Variants in LIMCH1 observed in about 807,000 individuals in gnomAD.
LIMCH1 encodes LIM and calponin homology domains 1.
A neutral mutation model predicts 176.5 loss-of-function variants in LIMCH1; 113 were observed. That is an observed-to-expected ratio of 0.64 (90% CI 0.55 to 0.75). The LOEUF is 0.75. Ranked by LOEUF, LIMCH1 falls within the 30% of genes least tolerant of loss-of-function variation. The pLI, the probability that LIMCH1 is intolerant of heterozygous loss-of-function variation, is 0.00. For synonymous variants in LIMCH1, 619 were observed against 645.9 expected (o/e 0.96, Z 0.63); for missense variants, 1,674 against 1,814.9 (o/e 0.92, Z 1.41).
chr4:41,674,044 C>T (rs2095137861), intron 22 of LIMCH1, among the ~76,000 whole-genome samples: 1 of 152,140 alleles, frequency 6.6e-6, no homozygotes, highest in Non-Finnish European at 1.5e-5. Flanking sequence ...AAATTATCTG[C>T]AAAAGAAGGA....
At chr4:41,607,391 A>G (rs937572265) in intron 4 of LIMCH1, among the ~76,000 whole-genome samples, 1 of 152,248 alleles carries the variant, frequency 6.6e-6, no homozygotes, top group South Asian at 2.1e-4. Context: ...TACACAAGGT[A>G]CTTTAAGCTG....
chr4:41,382,429 T>C (rs2055825261), intron 1 of LIMCH1, among the ~76,000 whole-genome samples: 1 of 151,904 alleles, frequency 6.6e-6, no homozygotes, highest in Non-Finnish European at 1.5e-5. Context: ...TTTAGTTATG[T>C]ATTTATAGCC....
At chr4:41,417,630 C>G (rs528993735) in intron 1 of LIMCH1, among the ~76,000 whole-genome samples, 6 of 152,264 alleles carry the variant, frequency 3.9e-5, no homozygotes, top group African/African-American at 1.4e-4. Context: ...AAGTGATCCT[C>G]CCACCTCAGC....
intron 5 of LIMCH1, 38 bp downstream of exon 5, chr4:41,613,699 T>A: frequency 6.3e-7 from 1 of 1,577,934 alleles, no homozygotes; most frequent in Non-Finnish European, 8.7e-7. Context: ...ATCTTGAAAT[T>A]AAACATTTGC....
chr4:41,527,091 A>G (rs2076736704), intron 3 of LIMCH1, among the ~76,000 whole-genome samples: 1 of 152,254 alleles, frequency 6.6e-6, no homozygotes, highest in Non-Finnish European at 1.5e-5. Context: ...AAAAAATAAA[A>G]TAAATTAAAT....
chr4:41,586,184 C>G (rs150116727), intron 1 of LIMCH1, among the ~76,000 whole-genome samples: 7,169 of 150,554 alleles, frequency 0.048, 438 homozygotes, highest in African/African-American at 0.15. Flanking sequence ...TCTCAGCTCA[C>G]TGCATCCTCA....
At chr4:41,415,219 T>G (rs563598659) in intron 1 of LIMCH1, among the ~76,000 whole-genome samples, 68 of 152,234 alleles carry the variant, frequency 4.5e-4, no homozygotes, top group African/African-American at 9.9e-4. Flanking sequence ...TAATTTCTGT[T>G]GTTGTTTTGA....
At chr4:41,593,181 TTGG>T (rs2087982488) in intron 1 of LIMCH1, among the ~76,000 whole-genome samples, 1 of 152,180 alleles carries the variant, frequency 6.6e-6, no homozygotes, top group African/African-American at 2.4e-5. Flanking sequence ...CCCATAGCCC[TTGG>T]GAAATGTTTT....
chr4:41,479,253 C>G (rs541027536), intron 1 of LIMCH1, among the ~76,000 whole-genome samples: 1 of 152,224 alleles, frequency 6.6e-6, no homozygotes, highest in Non-Finnish European at 1.5e-5. Flanking sequence ...ATGCCATTAT[C>G]ACTCTTTTTG....
chr4:41,558,358 C>T lies in LIMCH1; in HGVS notation c.-241+20008C>T, dbSNP rs538656527. Among the ~76,000 whole-genome samples the T allele has an allele frequency of 4.6e-5, 7 of 152,240 alleles. No individual in the cohort carries two copies. The South Asian group carries it at 6.2e-4, about 14-fold the overall frequency. On this transcript the variant is annotated intron_variant, in intron 1 of 31. Coordinates refer to ENST00000503057, the MANE Select transcript of LIMCH1 (RefSeq NM_001330672.2). Reference sequence around the variant, plus strand: ...AAAGGGGCGGTGTATAGGAGGGTATCGTTTAAGCCACTGGCTAAATGAATG... The same window carrying T: ...AAAGGGGCGGTGTATAGGAGGGTATTGTTTAAGCCACTGGCTAAATGAATG...
At chr4:41,474,542 A>G (rs2067447505) in intron 1 of LIMCH1, among the ~76,000 whole-genome samples, 1 of 152,214 alleles carries the variant, frequency 6.6e-6, no homozygotes. Flanking sequence ...TCAAAAGAAG[A>G]CACACAAATG....
intron 30 of LIMCH1, among the ~76,000 whole-genome samples, chr4:41,691,116 T>C (rs1370443936): frequency 3.3e-5 from 5 of 152,174 alleles, no homozygotes; most frequent in Non-Finnish European, 7.3e-5. Flanking sequence ...AAGGCCTTTA[T>C]TCACTCTAAT....
At chr4:41,627,254 T>C (rs1344110417) in intron 8 of LIMCH1, among the ~76,000 whole-genome samples, 1 of 152,216 alleles carries the variant, frequency 6.6e-6, no homozygotes, top group East Asian at 1.9e-4. Context: ...AGGGCTGAAT[T>C]TGCCAAAGAA....
chr4:41,382,591 A>T (rs2055850590), intron 1 of LIMCH1, among the ~76,000 whole-genome samples: 2 of 151,962 alleles, frequency 1.3e-5, no homozygotes, highest in South Asian at 4.2e-4. Context: ...AAAGGAGGGG[A>T]GGGCTTCCAG....
chr4:41,438,574 A>G (rs1359005627), intron 1 of LIMCH1, among the ~76,000 whole-genome samples: 2 of 151,976 alleles, frequency 1.3e-5, no homozygotes, highest in African/African-American at 4.8e-5. Context: ...CCTGGCCTCA[A>G]GCGATCTACC....
intron 1 of LIMCH1, among the ~76,000 whole-genome samples, chr4:41,383,960 T>C (rs1048787289): frequency 6.6e-6 from 1 of 152,150 alleles, no homozygotes; most frequent in Non-Finnish European, 1.5e-5. Context: ...AGACAACTAA[T>C]AGTATCAGCA....
chr4:41,573,032 G>C (rs1211712261), intron 1 of LIMCH1, among the ~76,000 whole-genome samples: 1 of 152,166 alleles, frequency 6.6e-6, no homozygotes, highest in Non-Finnish European at 1.5e-5. Context: ...GCCAGTGTAG[G>C]ACTTTCAGAT....
chr4:41,362,916 A>G (rs2052364245), intron 1 of LIMCH1, among the ~76,000 whole-genome samples: 1 of 152,146 alleles, frequency 6.6e-6, no homozygotes, highest in Non-Finnish European at 1.5e-5. Context: ...TTGATGCTTT[A>G]CCATTCATAC....
At chr4:41,687,731 T>C in intron 28 of LIMCH1, 109 bp from the exon 29 acceptor site, 1 of 693,200 alleles carries the variant, frequency 1.4e-6, no homozygotes, top group Non-Finnish European at 2.5e-6. Flanking sequence ...GATTTGGTTG[T>C]CACAAAAGTT....
Sources: allele counts gnomAD v4.1 joint callset (sites outside exome capture counted in the v4.1 genomes callset), GRCh38; gene constraint gnomAD v4.1.1; transcripts MANE v1.5; gene names NCBI Gene and HGNC (gene_info 2026-07-23, HGNC 2026-07-21).